AP3M2: variants seen among roughly 807,000 people sequenced by gnomAD.
AP3M2 encodes the protein AP-3 complex subunit mu-2.
In AP3M2, 28 loss-of-function variants were observed where a neutral mutation model predicts 41.6. The ratio of observed to expected loss-of-function variants is 0.67; its 90% CI spans 0.50 to 0.92. AP3M2 has a LOEUF of 0.92. Among genes scored for constraint, AP3M2 ranks in the 40% least tolerant of loss-of-function variants. The pLI is 0.00. For missense variants in AP3M2, 427 were observed against 521.4 expected (o/e 0.82, Z 1.76); for synonymous variants, 193 against 186.4 (o/e 1.04, Z -0.29).
intron 6 of AP3M2, among the ~76,000 whole-genome samples, chr8:42,166,640 G>T (rs1369922076): frequency 6.7e-6 from 1 of 149,760 alleles, no homozygotes; most frequent in Non-Finnish European, 1.5e-5. Flanking sequence ...GATGTTGTGT[G>T]CCTGTGGTCC....
chr8:42,154,744 T>A lies in AP3M2; in HGVS notation c.57T>A (p.His19Gln). The A allele has an allele frequency of 6.2e-7, 1 of 1,614,172 alleles. No homozygotes were observed. Among genetic ancestry groups the A allele is most frequent in the Non-Finnish European group, 8.5e-7 (1 of 1,180,032 alleles). ...NSSGDIFLEK[H>Q]WKSVVSRSVC... is the part of the protein sequence containing the mutation. ...CTGGAGACATTTTCCTGGAGAAACA[T>A]TGGAAAAGTGTGGTCAGCCGTTCTG... Residue 19 changes from histidine (H) to glutamine (Q), a missense_variant, in exon 2 of 9, where the codon CAT becomes CAA. This residue lies in a region of AP3M2 where 104 missense variants were observed against 93.8 expected (regional missense o/e 1.11). Coordinates refer to ENST00000396926, the MANE Select transcript of AP3M2 (RefSeq NM_006803.4).
chr8:42,155,033 G>T, intron 2 of AP3M2, 73 bp downstream of exon 2: 1 of 1,270,976 alleles, frequency 7.9e-7, no homozygotes. Flanking sequence ...ATTGTGTAAA[G>T]CCTCCATTAA....
chr8:42,164,677 G>A (rs1341185833), intron 4 of AP3M2, among the ~76,000 whole-genome samples: 1 of 152,198 alleles, frequency 6.6e-6, no homozygotes, highest in Non-Finnish European at 1.5e-5. Context: ...ACTCACTTTA[G>A]CAGCAGAGCT....
At chr8:42,164,886 G>T (rs1804598874) in intron 4 of AP3M2, among the ~76,000 whole-genome samples, 185 bp from the exon 5 acceptor site, 1 of 152,050 alleles carries the variant, frequency 6.6e-6, no homozygotes, top group Admixed American at 6.6e-5. Flanking sequence ...CAGAATGATG[G>T]ATAGATGGAT....
At chr8:42,159,196 A>T (rs931273208) in intron 3 of AP3M2, among the ~76,000 whole-genome samples, 1 of 152,228 alleles carries the variant, frequency 6.6e-6, no homozygotes, top group Non-Finnish European at 1.5e-5. Context: ...CTTTTAAATA[A>T]CAAGGATTAC....
At chr8:42,162,556 C>T in intron 4 of AP3M2, 138 bp downstream of exon 4, 1 of 940,994 alleles carries the variant, frequency 1.1e-6, no homozygotes, top group South Asian at 1.8e-5. Flanking sequence ...AGGCACTGTG[C>T]TGGGTACTGG....
Position 42,162,436 on chromosome 8 carries a change from G to A in AP3M2, c.583+18G>A, listed in dbSNP as rs1442138084. 2 of 1,585,706 alleles carry A rather than the reference G, an allele frequency of 1.3e-6. No individual in the cohort carries two copies. The highest frequency in any genetic ancestry group is 1.8e-5 in the Admixed American group (1 of 54,946). ...TAAATCAGGTAGGTGCTTTTAATAT[G>A]TTCTCAGAAATATGAAAATAGAAAG... On this transcript the variant is annotated intron_variant, in intron 4 of 8. Coordinates refer to ENST00000396926, the MANE Select transcript of AP3M2 (RefSeq NM_006803.4).
chr8:42,162,481 C>G (rs905994380), intron 4 of AP3M2, 63 bp downstream of exon 4: 6 of 1,517,882 alleles, frequency 4.0e-6, no homozygotes, highest in African/African-American at 1.4e-5. Flanking sequence ...TCATATAATG[C>G]TTGTAGTTTC....
intron 4 of AP3M2, among the ~76,000 whole-genome samples, chr8:42,162,769 A>G (rs1316914784): frequency 2.6e-5 from 4 of 151,556 alleles, no homozygotes; most frequent in Non-Finnish European, 5.9e-5. Flanking sequence ...ACATAGTGAG[A>G]CCCCATCTCC....
rs765547553 is a variant in AP3M2, at chr8:42,164,813, A to G, written c.584-258A>G. 4.4e-4 allele frequency among the ~76,000 whole-genome samples: 67 copies of G among 152,208 alleles called. 1 individual carries two copies. The highest frequency in any genetic ancestry group is 8.8e-5 in the Non-Finnish European group (6 of 68,040). The stretch of plus-strand genomic sequence containing the variant: ...CCTTTAGGCTAATAACTACTTCATT[A>G]ATCTTTTTATCACCGTTACCTCACC... On this transcript the variant is annotated intron_variant, in intron 4 of 8. Coordinates refer to ENST00000396926, the MANE Select transcript of AP3M2 (RefSeq NM_006803.4).
chr8:42,157,111 A>G (rs1394599745), intron 2 of AP3M2, among the ~76,000 whole-genome samples: 2 of 152,326 alleles, frequency 1.3e-5, no homozygotes, highest in East Asian at 3.9e-4. Context: ...GCTGGAAGGG[A>G]ACATTGAATA....
chr8:42,165,098 G>C lies in AP3M2; in HGVS notation c.611G>C (p.Gly204Ala). 6.2e-7 allele frequency: 1 copy of C among 1,614,028 alleles called. No homozygotes were observed. The highest frequency in any genetic ancestry group is 8.5e-7 in the Non-Finnish European group (1 of 1,179,990). ...SGSTITAEIQGVIDACVKLTG... is the reference protein window; with the variant it reads ...SGSTITAEIQAVIDACVKLTG... ...TCCACAATTACTGCTGAGATCCAGGGGGTGATTGATGCCTGTGTCAAGCTG... is the reference window on the plus strand; with the variant it reads ...TCCACAATTACTGCTGAGATCCAGGCGGTGATTGATGCCTGTGTCAAGCTG... Residue 204 changes from glycine (G) to alanine (A), a missense_variant, in exon 5 of 9, where the codon GGG becomes GCG. Gly to Ala is a moderately conservative substitution (Grantham distance 60). This residue lies in a region of AP3M2 where 237 missense variants were observed against 284.9 expected (regional missense o/e 0.83). Coordinates refer to ENST00000396926, the MANE Select transcript of AP3M2 (RefSeq NM_006803.4).
At chr8:42,167,870 G>A in intron 8 of AP3M2, 60 bp downstream of exon 8, 1 of 1,552,674 alleles carries the variant, frequency 6.4e-7, no homozygotes, top group Non-Finnish European at 8.7e-7. Flanking sequence ...CTGCCATATG[G>A]CGCAGGCACC....
In AP3M2 at chr8:42,158,107, T is replaced by G; in HGVS notation, c.440T>G (p.Ile147Ser). ...ATCCTTCGAACGGTTGTCAACACCA[T>G]CACAGGTACGGCAGAGGGGGAAACT... is the stretch of plus-strand genomic sequence containing the variant. The part of the protein sequence containing the change: ...PTILRTVVNT[I>S]TGSTNVGDQL... The change falls in exon 3 of 9, where the codon ATC (isoleucine) becomes AGC (serine). Residue 147 changes from isoleucine to serine, a missense_variant. By Grantham distance (142) the Ile-to-Ser change is moderately radical. Transcript: ENST00000396926. 6.2e-7 allele frequency: 1 copy of G among 1,612,826 alleles called. No homozygotes were observed. Among genetic ancestry groups the G allele is most frequent in the Non-Finnish European group, 8.5e-7 (1 of 1,178,896 alleles).
At position 42,153,150 on chromosome 8, in the gene AP3M2, G is replaced by C. The variant is rs927404733; in HGVS notation, c.-73+45G>C. ...CCGAGCCTGGAGAGGGGGCAGGAGT[G>C]GGGGCGCGCGAGGGTCGGGGCGGGG... On this transcript the variant is annotated intron_variant, in intron 1 of 8. Transcript: ENST00000396926. 3.7e-4 allele frequency: 57 copies of C among 152,288 alleles called. 1 individual carries two copies. The highest frequency in any genetic ancestry group is 7.3e-4 in the Non-Finnish European group (50 of 68,294). The allele number at this position is 152,288 out of a possible 1,614,324, so 9.4% of individuals were successfully genotyped here. A position where few individuals can be genotyped will look rare whatever the true frequency, so the allele number is the denominator to read the frequency against.
intron 7 of AP3M2, 129 bp downstream of exon 7, chr8:42,167,500 G>T: frequency 7.3e-7 from 1 of 1,371,818 alleles, no homozygotes; most frequent in Non-Finnish European, 1.0e-6. Flanking sequence ...CTCCTGCCAG[G>T]TAACTTAACA....
Position 42,169,407 on chromosome 8 carries a change from C to A in AP3M2, c.*346C>A, listed in dbSNP as rs751226466. The A allele has an allele frequency of 3.2e-4, 54 of 171,238 alleles. No individual in the cohort carries two copies. The highest frequency in any genetic ancestry group is 4.7e-4 in the Non-Finnish European group (38 of 81,108). The allele number at this position is 171,238 out of a possible 1,614,324, so 10.6% of individuals were successfully genotyped here. A position where few individuals can be genotyped will look rare whatever the true frequency, so the allele number is the denominator to read the frequency against. On this transcript the variant is annotated 3_prime_UTR_variant, in exon 9 of 9. Coordinates refer to ENST00000396926, the MANE Select transcript of AP3M2 (RefSeq NM_006803.4). ...ATTATCTAAAGCCAATGAAAGACTT[C>A]TTTGTTGATTTTTTAAGATAGAAAG...
intron 6 of AP3M2, among the ~76,000 whole-genome samples, chr8:42,165,958 G>T (rs1032947412): frequency 6.6e-6 from 1 of 152,146 alleles, no homozygotes; most frequent in Admixed American, 6.5e-5. Flanking sequence ...AGCATAAAAC[G>T]CAGTGATTTT....
In AP3M2 at chr8:42,169,053, C is replaced by T. The variant is rs1437840697; in HGVS notation, c.1249C>T (p.Arg417Ter). 4.3e-6 allele frequency: 7 copies of T among 1,609,616 alleles called. No homozygotes were observed. The highest frequency in any genetic ancestry group is 4.2e-6 in the Non-Finnish European group (5 of 1,177,864). The change falls in exon 9 of 9, where the codon CGA becomes TGA. Residue 417 changes from arginine (R) to a stop codon, truncating the protein, a stop_gained. Transcript: ENST00000396926. LOFTEE classifies it high-confidence loss of function. ...YMTKAGKFQV[R>*]T ...GACCAAAGCTGGGAAGTTCCAAGTT[C>T]GAACCTGAAGGGAGCATTTGCTGAG... is the stretch of plus-strand genomic sequence containing the variant.
Sources: gnomAD v4.1 joint callset for allele counts (sites outside exome capture counted in the v4.1 genomes callset) on GRCh38, gnomAD v4.1.1 for gene constraint, gnomAD v4.1.1 regional missense constraint, MANE v1.5 for transcripts, NCBI Gene and HGNC (gene_info 2026-07-23, HGNC 2026-07-21) for gene names.